Variants in PTPRD observed in about 807,000 individuals in gnomAD.
PTPRD encodes the protein protein tyrosine phosphatase receptor type D, also known as receptor-type tyrosine-protein phosphatase delta.
Under a neutral mutation model 214.5 loss-of-function variants are expected in PTPRD, and 34 were observed. The ratio of observed to expected loss-of-function variants is 0.16; its 90% CI spans 0.12 to 0.21. The LOEUF is 0.21. Ranked by LOEUF, PTPRD falls within the 10% of genes least tolerant of loss-of-function variation. The probability of loss-of-function intolerance (pLI) is 1.00; values close to 1 mark genes in which losing one functional copy is unlikely to be tolerated. For synonymous variants in PTPRD, 1,128 were observed against 845.7 expected (o/e 1.33, Z -5.79); for missense variants, 2,545 against 2,398.7 (o/e 1.06, Z -1.27).
chr9:9,901,054 C>T (rs916326231), intron 5 of PTPRD, among the ~76,000 whole-genome samples: 4 of 152,086 alleles, frequency 2.6e-5, no homozygotes, highest in African/African-American at 9.7e-5. Context: ...AACAATGGCA[C>T]CAGCATCCAC....
chr9:9,573,433 T>C (rs547807771), intron 8 of PTPRD, among the ~76,000 whole-genome samples: 53 of 151,400 alleles, frequency 3.5e-4, no homozygotes, highest in South Asian at 1.0e-3. Context: ...AAAAAACTTA[T>C]GTCAGTATTG....
At chr9:9,405,588 T>C (rs1048332294) in intron 8 of PTPRD, among the ~76,000 whole-genome samples, 1 of 152,022 alleles carries the variant, frequency 6.6e-6, no homozygotes, top group Non-Finnish European at 1.5e-5. Context: ...AAATTGTAAA[T>C]TCAGGACTTG....
At chr9:9,650,090 G>A (rs200554976) in intron 7 of PTPRD, among the ~76,000 whole-genome samples, 2 of 152,042 alleles carry the variant, frequency 1.3e-5, no homozygotes, top group Non-Finnish European at 2.9e-5. Flanking sequence ...GGAGGTGACT[G>A]GATCATGGGG....
chr9:8,439,274 C>T (rs573401782), intron 34 of PTPRD, among the ~76,000 whole-genome samples: 89 of 152,242 alleles, frequency 5.8e-4, no homozygotes, highest in African/African-American at 1.3e-3. Flanking sequence ...TTTTGTGAAG[C>T]GCCTTGATTT....
intron 11 of PTPRD, among the ~76,000 whole-genome samples, chr9:8,837,252 TG>T (rs1254207702): frequency 6.6e-6 from 1 of 151,526 alleles, no homozygotes; most frequent in Non-Finnish European, 1.5e-5. Context: ...TGGCCTCAAG[TG>T]ATCTGCCCGC....
At chr9:10,351,387 A>G (rs541806769) in intron 2 of PTPRD, among the ~76,000 whole-genome samples, 4 of 152,208 alleles carry the variant, frequency 2.6e-5, no homozygotes, top group Admixed American at 6.5e-5. Flanking sequence ...TTACTGCCCA[A>G]TTACACTTTG....
chr9:10,555,019 T>A (rs760304988), intron 2 of PTPRD, among the ~76,000 whole-genome samples: 2 of 152,210 alleles, frequency 1.3e-5, no homozygotes, highest in Non-Finnish European at 2.9e-5. Context: ...GAGTAGTGAT[T>A]AAATTGCCAC....
intron 3 of PTPRD, among the ~76,000 whole-genome samples, chr9:10,312,640 T>C (rs1213329241): frequency 6.6e-6 from 1 of 151,994 alleles, no homozygotes; most frequent in Non-Finnish European, 1.5e-5. Flanking sequence ...GAATAGCATA[T>C]ATTATCTATC....
chr9:10,300,321 A>G (rs2095822476), intron 3 of PTPRD, among the ~76,000 whole-genome samples: 1 of 152,102 alleles, frequency 6.6e-6, no homozygotes, highest in Non-Finnish European at 1.5e-5. Flanking sequence ...TTTCAAGCAG[A>G]AAACTGGGCA....
At chr9:9,633,825 A>C (rs1220849948) in intron 7 of PTPRD, among the ~76,000 whole-genome samples, 1 of 152,178 alleles carries the variant, frequency 6.6e-6, no homozygotes, top group Non-Finnish European at 1.5e-5. Flanking sequence ...TTTCAAAATA[A>C]TGTGTTGTCT....
chr9:10,076,953 G>C (rs1412135346), intron 3 of PTPRD, among the ~76,000 whole-genome samples: 1 of 152,074 alleles, frequency 6.6e-6, no homozygotes, highest in East Asian at 1.9e-4. Flanking sequence ...ATATAGCTTG[G>C]TACACACTAT....
chr9:10,251,528 A>G (rs2092768615), intron 3 of PTPRD, among the ~76,000 whole-genome samples: 1 of 152,144 alleles, frequency 6.6e-6, no homozygotes, highest in African/African-American at 2.4e-5. Context: ...TAATCTTCAC[A>G]ATGGATAATA....
intron 37 of PTPRD, among the ~76,000 whole-genome samples, chr9:8,381,275 G>A (rs1304776021): frequency 6.6e-6 from 1 of 152,140 alleles, no homozygotes; most frequent in African/African-American, 2.4e-5. Context: ...TTTAATGAGG[G>A]AGACTATAAT....
intron 3 of PTPRD, among the ~76,000 whole-genome samples, chr9:10,087,429 G>T (rs10809027): frequency 0.22 from 32,793 of 151,368 alleles, 3,671 homozygotes; most frequent in South Asian, 0.34. Context: ...ACTATCTATT[G>T]AAGATGTGGG....
At chr9:10,139,873 A>T (rs2098970879) in intron 3 of PTPRD, among the ~76,000 whole-genome samples, 1 of 152,170 alleles carries the variant, frequency 6.6e-6, no homozygotes, top group Non-Finnish European at 1.5e-5. Context: ...ATCTATCACC[A>T]TACATAAAAT....
Position 9,441,462 on chromosome 9 carries a change from T to C in PTPRD, c.-236-43980A>G, listed in dbSNP as rs545210644. On this transcript the variant is annotated intron_variant, in intron 8 of 45. Transcript: ENST00000381196. ...TGTCTATGGAAGTGGTGGAAAGTAT[T>C]TGAGTTCAGCTGGAGCATAGAGTGC... Among the ~76,000 whole-genome samples the C allele has an allele frequency of 3.3e-5, 5 of 152,300 alleles. No individual in the cohort carries two copies. In the South Asian group the frequency reaches 8.3e-4, roughly 25 times the overall value.
intron 7 of PTPRD, among the ~76,000 whole-genome samples, chr9:9,723,454 T>G (rs376591219): frequency 2.0e-5 from 3 of 152,036 alleles, no homozygotes; most frequent in South Asian, 4.1e-4. Context: ...AATTTTGAAA[T>G]CAGAAACTAT....
At chr9:9,856,595 T>A (rs974808145) in intron 5 of PTPRD, among the ~76,000 whole-genome samples, 1 of 147,530 alleles carries the variant, frequency 6.8e-6, no homozygotes, top group Non-Finnish European at 1.5e-5. Context: ...TTCCCAGCAA[T>A]CAGAGAGGAA....
chr9:8,742,075 A>G (rs1168154697), intron 11 of PTPRD, among the ~76,000 whole-genome samples: 1 of 152,056 alleles, frequency 6.6e-6, no homozygotes, highest in African/African-American at 2.4e-5. Flanking sequence ...TATTCCCTAT[A>G]TTTCACTTTT....
Sources: allele counts gnomAD v4.1 joint callset (sites outside exome capture counted in the v4.1 genomes callset), GRCh38; gene constraint gnomAD v4.1.1; transcripts MANE v1.5; gene names NCBI Gene and HGNC (gene_info 2026-07-23, HGNC 2026-07-21).